The following TF variants were observed in gnomAD, a reference collection of about 807,000 sequenced individuals.
The protein encoded by TF is transferrin, also known as serotransferrin.
In TF, 55 loss-of-function variants were observed where a neutral mutation model predicts 82.4. That is an observed-to-expected ratio of 0.67 (90% CI 0.54 to 0.84). The LOEUF is 0.84. TF is among the 40% of genes least tolerant of loss of function. The probability of loss-of-function intolerance (pLI) is 0.00; values close to 1 mark genes in which losing one functional copy is unlikely to be tolerated. For synonymous variants in TF, 332 were observed against 332.6 expected, an observed-to-expected ratio of 1.00 and a Z score of 0.02; for missense variants, 737 against 868.4, an observed-to-expected ratio of 0.85 and a Z score of 1.90.
chr3:133,729,083 T>G, the TF span, among the ~76,000 whole-genome samples: 34 of 152,282 alleles, frequency 2.2e-4, no homozygotes, highest in Middle Eastern at 3.4e-3. Flanking sequence ...TGCCTCCCAG[T>G]TAGGCTGCTT....
In TF at chr3:133,755,412, G is replaced by A. The variant is rs766268298; in HGVS notation, c.552G>A (p.Thr184=). 1 of 1,614,186 alleles carries A rather than the reference G, an allele frequency of 6.2e-7. No homozygotes were observed. The highest frequency in any genetic ancestry group is 8.5e-7 in the Non-Finnish European group (1 of 1,180,042). ...SGSCAPCADG[T]DFPQLCQLCP... Reference sequence around the variant, plus strand: ...GCTGTGCCCCTTGTGCGGATGGGACGGACTTCCCCCAGCTGTGTCAACTGT... The same window carrying A: ...GCTGTGCCCCTTGTGCGGATGGGACAGACTTCCCCCAGCTGTGTCAACTGT... The change falls in exon 5 of 17, where the codon ACG becomes ACA. Residue 184 remains threonine, a synonymous_variant. Transcript: ENST00000402696.
In TF at chr3:133,794,570, T is replaced by C. The variant is rs1934920417; in HGVS notation, c.*15950T>C. Reference sequence around the variant, plus strand: ...TCCTTCACAACCTAGAAACTGAAGATTGTATCTTCTGAAAACATTGGATAA... The same window carrying C: ...TCCTTCACAACCTAGAAACTGAAGACTGTATCTTCTGAAAACATTGGATAA... On this transcript the variant is annotated 3_prime_UTR_variant, in exon 17 of 17. Transcript: ENST00000402696. The C allele has an allele frequency of 6.6e-6, 1 of 152,238 alleles. No homozygotes were observed. Among genetic ancestry groups the C allele is most frequent in the Non-Finnish European group, 1.5e-5 (1 of 68,034 alleles). 9.4% of individuals were successfully genotyped at this position (152,238 alleles called of 1,614,324 possible).
chr3:133,686,989 T>A, the TF span, among the ~76,000 whole-genome samples: 368 of 152,304 alleles, frequency 2.4e-3, 1 homozygote, highest in African/African-American at 8.4e-3. Flanking sequence ...ATGTGGCACA[T>A]ATACACCATG....
At chr3:133,667,375 C>CATG in the TF span, among the ~76,000 whole-genome samples, 1 of 83,278 alleles carries the variant, frequency 1.2e-5, no homozygotes, top group Non-Finnish European at 2.6e-5. Flanking sequence ...AAAAAAAAAC[C>CATG]CAAGTATGTG....
the TF span, among the ~76,000 whole-genome samples, chr3:133,702,630 G>C: frequency 6.6e-6 from 1 of 151,488 alleles, no homozygotes; most frequent in Non-Finnish European, 1.5e-5. Context: ...TGACGAAGTT[G>C]TGAATGATTT....
At chr3:133,707,850 T>C in the TF span, among the ~76,000 whole-genome samples, 7,440 of 152,218 alleles carry the variant, frequency 0.049, 620 homozygotes, top group African/African-American at 0.17. Context: ...CTCATTAGAA[T>C]CAGGAGCAAG....
intron 12 of TF, among the ~76,000 whole-genome samples, chr3:133,766,931 C>T (rs1260369749): frequency 2.0e-5 from 3 of 152,194 alleles, no homozygotes; most frequent in African/African-American, 7.2e-5. Flanking sequence ...GCAAACTTCT[C>T]ATTGCCCAGA....
chr3:133,670,857 G>C, the TF span, among the ~76,000 whole-genome samples: 5 of 152,190 alleles, frequency 3.3e-5, no homozygotes, highest in Admixed American at 3.3e-4. Context: ...TCGGCACATG[G>C]CCAGGGGGAA....
chr3:133,678,201 T>C, the TF span, among the ~76,000 whole-genome samples: 4,652 of 152,358 alleles, frequency 0.031, 126 homozygotes, highest in African/African-American at 0.073. Context: ...CATCCTTTTT[T>C]ATGGGTGCAT....
At chr3:133,681,806 C>T in the TF span, among the ~76,000 whole-genome samples, 1 of 152,226 alleles carries the variant, frequency 6.6e-6, no homozygotes, top group Non-Finnish European at 1.5e-5. Context: ...ACAAAAGAAA[C>T]TTCTGCAGAC....
In TF at chr3:133,756,181, C is replaced by T. The variant is rs8177229; in HGVS notation, c.636-101C>T. ...GCTTCAGCTACGGGGCTGCACCAGG[C>T]TCTATCCTAGTGTGAGTGCTGGACA... is the stretch of plus-strand genomic sequence containing the variant. On this transcript the variant is annotated intron_variant, in intron 5 of 16. Coordinates refer to ENST00000402696, the MANE Select transcript of TF (RefSeq NM_001063.4). 2.0e-3 allele frequency: 2,335 copies of T among 1,166,866 alleles called. 39 individuals are homozygous for T. In the African/African-American group the frequency reaches 0.031, roughly 16 times the overall value. The allele number at this position is 1,166,866 out of a possible 1,614,324, so 72.3% of individuals were successfully genotyped here. A position where few individuals can be genotyped will look rare whatever the true frequency, so the allele number is the denominator to read the frequency against.
chr3:133,769,257 G>A (rs902821968), intron 13 of TF, among the ~76,000 whole-genome samples: 3 of 152,286 alleles, frequency 2.0e-5, no homozygotes, highest in East Asian at 3.9e-4. Context: ...CACTTTGTAA[G>A]TTAGATTAAG....
chr3:133,726,254 C>G, the TF span, among the ~76,000 whole-genome samples: 1 of 152,160 alleles, frequency 6.6e-6, no homozygotes, highest in African/African-American at 2.4e-5. Flanking sequence ...CCTTGTACCT[C>G]TGGTAGAATT....
intron 1 of TF, among the ~76,000 whole-genome samples, chr3:133,747,828 A>G (rs1474459176): frequency 2.0e-5 from 3 of 152,066 alleles, no homozygotes; most frequent in Non-Finnish European, 4.4e-5. Flanking sequence ...AAGGGGTGTA[A>G]CTCAGAATGT....
the TF span, among the ~76,000 whole-genome samples, chr3:133,692,622 T>G: frequency 3.3e-5 from 5 of 152,268 alleles, no homozygotes; most frequent in African/African-American, 1.2e-4. Context: ...CTCTCTCCTG[T>G]CAATTAAGGG....
chr3:133,717,597 T>C, the TF span, among the ~76,000 whole-genome samples: 1 of 152,108 alleles, frequency 6.6e-6, no homozygotes, highest in East Asian at 1.9e-4. Context: ...GTCCCAATGC[T>C]CAGGAAGGGG....
At chr3:133,778,384 T>G in intron 16 of TF, 1 of 505,092 alleles carries the variant, frequency 2.0e-6, no homozygotes, top group East Asian at 4.1e-5. Context: ...GTTAACAGCT[T>G]TGGCGTGGGG....
chr3:133,779,383 C>G lies in TF; in HGVS notation c.*763C>G, dbSNP rs1054664604. The G allele has an allele frequency of 6.6e-6, 1 of 152,148 alleles. No homozygotes were observed. Among genetic ancestry groups the G allele is most frequent in the Non-Finnish European group, 1.5e-5 (1 of 68,064 alleles). 9.4% of individuals were successfully genotyped at this position (152,148 alleles called of 1,614,324 possible). On this transcript the variant is annotated 3_prime_UTR_variant, in exon 17 of 17. Coordinates refer to ENST00000402696, the MANE Select transcript of TF (RefSeq NM_001063.4). The stretch of plus-strand genomic sequence containing the variant: ...GCTTCACCAACTTACCTGAATGTAC[C>G]CTGGCAAAAGTCACCGTCTACCTGC...
At chr3:133,668,659 T>A in the TF span, among the ~76,000 whole-genome samples, 6 of 152,238 alleles carry the variant, frequency 3.9e-5, no homozygotes, top group African/African-American at 1.4e-4. Flanking sequence ...GTCCCACCCA[T>A]ACCCCCTCAC....
Sources: allele counts gnomAD v4.1 joint callset (sites outside exome capture counted in the v4.1 genomes callset), GRCh38; gene constraint gnomAD v4.1.1; transcripts MANE v1.5; gene names NCBI Gene and HGNC (gene_info 2026-07-23, HGNC 2026-07-21).